CHRM2: variants seen among roughly 807,000 people sequenced by gnomAD.
The protein encoded by CHRM2 is cholinergic receptor muscarinic 2.
Under a neutral mutation model 25.0 loss-of-function variants are expected in CHRM2, and 8 were observed. The ratio of observed to expected loss-of-function variants is 0.32; its 90% CI spans 0.19 to 0.58. The LOEUF is 0.58. CHRM2 is among the 20% of genes least tolerant of loss of function. CHRM2 has a pLI of 0.88. For missense variants in CHRM2, 440 were observed against 567.1 expected (o/e 0.78, Z 2.28); for synonymous variants, 202 against 205.7 (o/e 0.98, Z 0.15).
intron 2 of CHRM2, among the ~76,000 whole-genome samples, chr7:136,889,193 G>A (rs183557107): frequency 2.6e-5 from 4 of 152,218 alleles, no homozygotes; most frequent in African/African-American, 7.2e-5. Flanking sequence ...TTGGTGGATA[G>A]GTGATTTCTG....
intron 2 of CHRM2, among the ~76,000 whole-genome samples, chr7:136,908,570 T>A (rs1032579070): frequency 6.6e-6 from 1 of 151,898 alleles, no homozygotes; most frequent in South Asian, 2.1e-4. Flanking sequence ...TCTTTATACA[T>A]TAGGTAGAAT....
chr7:136,923,126 C>T (rs541884109), intron 2 of CHRM2, among the ~76,000 whole-genome samples: 12 of 152,094 alleles, frequency 7.9e-5, no homozygotes, highest in Non-Finnish European at 1.2e-4. Context: ...ATAAGTCTCA[C>T]GCCAGATTTT....
At chr7:136,892,602 C>T (rs889934) in intron 2 of CHRM2, among the ~76,000 whole-genome samples, 21,243 of 151,328 alleles carry the variant, frequency 0.14, 2,058 homozygotes, top group African/African-American at 0.27. Flanking sequence ...AGAAAGGTTA[C>T]ACATATTGAA....
intron 2 of CHRM2, among the ~76,000 whole-genome samples, chr7:136,901,275 G>T (rs1797191787): frequency 6.6e-6 from 1 of 151,960 alleles, no homozygotes; most frequent in African/African-American, 2.4e-5. Flanking sequence ...AAATAGAAAG[G>T]TATAGTGGGT....
intron 2 of CHRM2, among the ~76,000 whole-genome samples, chr7:136,977,228 T>TTTAATGTCCCCTACAA (rs1584863165): frequency 6.6e-6 from 1 of 152,088 alleles, no homozygotes; most frequent in East Asian, 1.9e-4. Context: ...TACAACTGAT[T>TTTAATGTCCCCTACAA]CTGTCATTTT....
Position 137,016,062 on chromosome 7 carries a change from T to C in CHRM2, c.1197T>C (p.Thr399=), listed in dbSNP as rs34586275. ...CTATTCTGTTGGCTTTCATCATCAC[T>C]TGGGCCCCATACAATGTCATGGTGC... is the stretch of plus-strand genomic sequence containing the variant. ...ILAILLAFII[T]WAPYNVMVLI... is the part of the protein sequence containing the mutation. The change falls in exon 4 of 4, where the codon ACT becomes ACC. Residue 399 remains threonine (T), a synonymous_variant. Transcript: ENST00000680005. The C allele has an allele frequency of 1.2e-3, 1,936 of 1,612,804 alleles. 20 individuals are homozygous for C. The African/African-American group carries it at 0.021, about 17-fold the overall frequency.
Position 137,015,167 on chromosome 7 carries a change from C to T in CHRM2, c.302C>T (p.Ala101Val). The T allele has an allele frequency of 6.2e-7, 1 of 1,613,524 alleles. No homozygotes were observed. The highest frequency in any genetic ancestry group is 1.1e-5 in the South Asian group (1 of 91,076). ...LGPVVCDLWL[A>V]LDYVVSNASV... ...CCTGTGGTGTGTGACCTTTGGCTAG[C>T]CCTGGACTATGTGGTCAGCAATGCC... Residue 101 changes from alanine (A) to valine (V), a missense_variant, in exon 4 of 4, where the codon GCC (alanine) becomes GTC (valine). By Grantham distance (64) the Ala-to-Val change is moderately conservative. Coordinates refer to ENST00000680005, the MANE Select transcript of CHRM2 (RefSeq NM_001006630.2). This position sits in a 1 kb window ranked among gnomAD's most constrained non-coding sequence, Gnocchi z 5.1.
intron 2 of CHRM2, among the ~76,000 whole-genome samples, chr7:136,873,177 G>A (rs561472932): frequency 6.6e-6 from 1 of 152,244 alleles, no homozygotes; most frequent in Non-Finnish European, 1.5e-5. Flanking sequence ...TTTGCTTCCT[G>A]TACCCACTCT....
At position 136,913,744 on chromosome 7, in the gene CHRM2, G is replaced by A. The variant is rs1277371676; in HGVS notation, c.-125+44326G>A. ...TTGCTTTTTGAAACAATGCTGTGAA[G>A]TGGGTATTATTTTAAAAAATTATAA... On this transcript the variant is annotated intron_variant, in intron 2 of 3. Transcript: ENST00000680005. 5.3e-5 allele frequency among the ~76,000 whole-genome samples: 8 copies of A among 151,944 alleles called. No individual in the cohort carries two copies. In the South Asian group the frequency reaches 1.2e-3, roughly 24 times the overall value.
At chr7:136,880,669 A>G (rs1367805412) in intron 2 of CHRM2, among the ~76,000 whole-genome samples, 2 of 151,768 alleles carry the variant, frequency 1.3e-5, no homozygotes, top group Non-Finnish European at 2.9e-5. Context: ...TTAATTTCAC[A>G]GCAAAATTGA....
intron 2 of CHRM2, among the ~76,000 whole-genome samples, chr7:136,879,100 T>C (rs1176998929): frequency 2.6e-5 from 4 of 151,890 alleles, no homozygotes; most frequent in African/African-American, 9.7e-5. Context: ...TAAAAGTGCT[T>C]GAGCCTTCGT....
At chr7:136,886,842 T>C (rs1458715981) in intron 2 of CHRM2, among the ~76,000 whole-genome samples, 1 of 152,118 alleles carries the variant, frequency 6.6e-6, no homozygotes, top group African/African-American at 2.4e-5. Context: ...CACTGCACAC[T>C]ACCCTGAGCA....
intron 2 of CHRM2, among the ~76,000 whole-genome samples, chr7:136,941,046 T>A (rs1324709598): frequency 6.6e-6 from 1 of 152,210 alleles, no homozygotes; most frequent in Non-Finnish European, 1.5e-5. Context: ...AGGGTCCTAG[T>A]TCATCCCCTT....
intron 2 of CHRM2, among the ~76,000 whole-genome samples, chr7:136,930,898 C>CAAAGAAAAAAAAAAAAAAAAAA (rs1799049694): frequency 1.6e-5 from 1 of 61,138 alleles, no homozygotes. Flanking sequence ...CTCATTCTCT[C>CAAAGAAAAAAAAAAAAAAAAAA]AAAAAAAAAA....
chr7:137,015,972 T>G lies in CHRM2; in HGVS notation c.1107T>G (p.Thr369=), dbSNP rs531695365. ...TAGCCCGCAAGATTGTGAAGATGAC[T>G]AAGCAGCCTGCAAAAAAGAAGCCTC... is the stretch of plus-strand genomic sequence containing the variant. ...NIVARKIVKM[T]KQPAKKKPPP... Residue 369 remains threonine (T), a synonymous_variant, in exon 4 of 4, where the codon ACT becomes ACG. Coordinates refer to ENST00000680005, the MANE Select transcript of CHRM2 (RefSeq NM_001006630.2). The surrounding 1 kb of genome is among the most constrained non-coding windows in gnomAD (Gnocchi z 5.1). 308 of 1,613,140 alleles carry G rather than the reference T, an allele frequency of 1.9e-4. 5 individuals are homozygous for G. In the South Asian group the frequency reaches 3.2e-3, roughly 17 times the overall value.
chr7:136,890,616 T>C (rs745804658), intron 2 of CHRM2, among the ~76,000 whole-genome samples: 1 of 152,190 alleles, frequency 6.6e-6, no homozygotes, highest in Non-Finnish European at 1.5e-5. Context: ...AACCACCCGC[T>C]GAGCTCCAGT....
At chr7:136,876,521 C>G (rs1796058601) in intron 2 of CHRM2, among the ~76,000 whole-genome samples, 1 of 152,066 alleles carries the variant, frequency 6.6e-6, no homozygotes, top group Admixed American at 6.6e-5. Flanking sequence ...TGTGCAACCG[C>G]ATAGATACCC....
intron 2 of CHRM2, among the ~76,000 whole-genome samples, chr7:136,930,398 G>A (rs543560003): frequency 2.6e-5 from 4 of 152,208 alleles, no homozygotes; most frequent in African/African-American, 9.6e-5. Context: ...TGGGATCTAG[G>A]AGGAAATGCA....
At chr7:136,982,488 G>A (rs1380652071) in intron 2 of CHRM2, among the ~76,000 whole-genome samples, 1 of 152,112 alleles carries the variant, frequency 6.6e-6, no homozygotes, top group East Asian at 1.9e-4. Flanking sequence ...CTGTCATTAT[G>A]ATGCTAGCTG....
Sources: gnomAD v4.1 joint callset for allele counts (sites outside exome capture counted in the v4.1 genomes callset) on GRCh38, gnomAD v4.1.1 for gene constraint, Gnocchi (gnomAD v3.1) non-coding constraint, MANE v1.5 for transcripts, NCBI Gene and HGNC (gene_info 2026-07-23, HGNC 2026-07-21) for gene names.